The following LRCH1 variants were observed in gnomAD, a reference collection of about 807,000 sequenced individuals.
The protein encoded by LRCH1 is leucine rich repeats and calponin homology domain containing 1.
In LRCH1, 23 loss-of-function variants were observed where a neutral mutation model predicts 94.9. The ratio of observed to expected loss-of-function variants is 0.24; its 90% CI spans 0.17 to 0.34. The LOEUF is 0.34. Among genes scored for constraint, LRCH1 ranks in the 10% least tolerant of loss-of-function variants. The pLI, the probability that LRCH1 is intolerant of heterozygous loss-of-function variation, is 1.00. For synonymous variants in LRCH1, 364 were observed against 354.9 expected (o/e 1.03, Z -0.29); for missense variants, 790 against 945.9 (o/e 0.84, Z 2.16).
intron 11 of LRCH1, among the ~76,000 whole-genome samples, chr13:46,703,522 A>G (rs185270195): frequency 6.6e-6 from 1 of 152,328 alleles, no homozygotes; most frequent in East Asian, 1.9e-4. Flanking sequence ...AGTGAAATCT[A>G]AGAACTTATC....
intron 9 of LRCH1, 80 bp from the exon 10 acceptor site, chr13:46,699,256 A>T: frequency 9.3e-7 from 1 of 1,077,132 alleles, no homozygotes; most frequent in Non-Finnish European, 1.4e-6. Context: ...ACGCTGTTAT[A>T]AACATGGGCT....
At chr13:46,713,593 G>C (rs1872178910) in intron 15 of LRCH1, among the ~76,000 whole-genome samples, 1 of 152,208 alleles carries the variant, frequency 6.6e-6, no homozygotes, top group African/African-American at 2.4e-5. Context: ...ATGGGCCATA[G>C]AAGAAAAGCC....
intron 1 of LRCH1, among the ~76,000 whole-genome samples, chr13:46,574,753 C>G (rs778852147): frequency 6.6e-6 from 1 of 150,928 alleles, no homozygotes; most frequent in Non-Finnish European, 1.5e-5. Context: ...AAAGTCAACC[C>G]ATGTAACTTA....
chr13:46,673,604 C>T (rs1409685033), intron 3 of LRCH1, among the ~76,000 whole-genome samples: 2 of 152,180 alleles, frequency 1.3e-5, no homozygotes, highest in Non-Finnish European at 2.9e-5. Context: ...GATTTGGGAG[C>T]ACCCCAAGCA....
chr13:46,685,826 AT>A, intron 4 of LRCH1, 78 bp from the exon 5 acceptor site: 2 of 1,060,232 alleles, frequency 1.9e-6, no homozygotes, highest in Non-Finnish European at 1.3e-6. Flanking sequence ...CAGAACATTA[AT>A]TTTTGAATGA....
intron 1 of LRCH1, among the ~76,000 whole-genome samples, chr13:46,578,404 G>T (rs1323191035): frequency 6.6e-6 from 1 of 152,202 alleles, no homozygotes; most frequent in Non-Finnish European, 1.5e-5. Context: ...GAAGCAAAAG[G>T]ATGACACATT....
chr13:46,633,912 G>A (rs969590494), intron 1 of LRCH1, among the ~76,000 whole-genome samples: 9 of 135,028 alleles, frequency 6.7e-5, no homozygotes, highest in Non-Finnish European at 1.1e-4. Context: ...ATGGAGTCTC[G>A]CTCTGTCGCC....
chr13:46,681,913 A>C (rs1870324611), intron 4 of LRCH1, 67 bp downstream of exon 4: 2 of 896,730 alleles, frequency 2.2e-6, no homozygotes, highest in Admixed American at 4.3e-5. Context: ...TGGGGGGTTT[A>C]CTTTTGTGAA....
intron 1 of LRCH1, among the ~76,000 whole-genome samples, chr13:46,622,967 G>A (rs2050897570): frequency 6.6e-6 from 1 of 152,226 alleles, no homozygotes; most frequent in Non-Finnish European, 1.5e-5. Flanking sequence ...TGGGAAAATA[G>A]CATTTGGGGA....
Position 46,557,760 on chromosome 13 carries a change from T to G in LRCH1, c.307+4057T>G, listed in dbSNP as rs563217352. 1.3e-3 allele frequency among the ~76,000 whole-genome samples: 194 copies of G among 152,080 alleles called. 1 individual carries two copies. Among genetic ancestry groups the G allele is most frequent in the African/African-American group, 4.5e-3 (188 of 41,524 alleles). On this transcript the variant is annotated intron_variant, in intron 1 of 19. Coordinates refer to ENST00000389797, the MANE Select transcript of LRCH1 (RefSeq NM_001164211.2). ...CAGGAGGCTGAGGTGGGAGAATCACTTGAACCCAGGAGGCGGAGGTTGCAG... is the reference window on the plus strand; with the variant it reads ...CAGGAGGCTGAGGTGGGAGAATCACGTGAACCCAGGAGGCGGAGGTTGCAG...
At chr13:46,725,920 G>A (rs1539177) in intron 17 of LRCH1, among the ~76,000 whole-genome samples, 69,988 of 152,032 alleles carry the variant, frequency 0.46, 18,298 homozygotes, top group Non-Finnish European at 0.58. Flanking sequence ...TCTTAAACAT[G>A]GGTCATATTG....
At chr13:46,637,693 G>A (rs146685415) in intron 1 of LRCH1, among the ~76,000 whole-genome samples, 2 of 148,978 alleles carry the variant, frequency 1.3e-5, no homozygotes, top group Non-Finnish European at 3.0e-5. Context: ...AAGTTGCCAC[G>A]CTTCTCCCGC....
chr13:46,625,836 TAG>T (rs1269386631), intron 1 of LRCH1, among the ~76,000 whole-genome samples: 1 of 151,882 alleles, frequency 6.6e-6, no homozygotes, highest in Non-Finnish European at 1.5e-5. Flanking sequence ...GTATTTTTTG[TAG>T]AGAGGGGTCT....
intron 2 of LRCH1, among the ~76,000 whole-genome samples, chr13:46,667,538 AG>A (rs66820930): frequency 0.72 from 72,356 of 100,888 alleles, 23,548 homozygotes; most frequent in Middle Eastern, 0.8. Context: ...GGGTGGGGGG[AG>A]GGGGGGAGGG....
chr13:46,664,204 TA>T (rs2051485312), intron 2 of LRCH1, among the ~76,000 whole-genome samples: 2 of 152,194 alleles, frequency 1.3e-5, no homozygotes, highest in South Asian at 4.1e-4. Flanking sequence ...TAAAGGTGGC[TA>T]AAATTTTAGC....
intron 1 of LRCH1, among the ~76,000 whole-genome samples, chr13:46,584,778 G>A (rs2050412028): frequency 6.6e-6 from 1 of 152,134 alleles, no homozygotes; most frequent in Admixed American, 6.5e-5. Context: ...TCAGTCTGAT[G>A]ACAGTTTTAT....
intron 1 of LRCH1, among the ~76,000 whole-genome samples, chr13:46,579,354 C>T (rs1208087654): frequency 6.6e-6 from 1 of 152,042 alleles, no homozygotes; most frequent in African/African-American, 2.4e-5. Context: ...AAAAGTGTAC[C>T]ATCTCAGAAC....
At chr13:46,568,779 A>C (rs1236409414) in intron 1 of LRCH1, among the ~76,000 whole-genome samples, 2 of 152,206 alleles carry the variant, frequency 1.3e-5, no homozygotes, top group African/African-American at 2.4e-5. Flanking sequence ...TGGTGAGTAC[A>C]TAGGTAGGTG....
chr13:46,742,036 A>G lies in LRCH1; in HGVS notation c.*188A>G, dbSNP rs148182694. 1,702 of 1,442,926 alleles carry G rather than the reference A, an allele frequency of 1.2e-3. 11 individuals carry two copies. In the African/African-American group the frequency reaches 0.021, roughly 18 times the overall value. 89.4% of individuals were successfully genotyped at this position (1,442,926 alleles called of 1,614,324 possible). ...CAAACTTTGTAGAATACAGTTTAGT[A>G]TAATTCCTCTCACTTACTGAAATAC... is the stretch of plus-strand genomic sequence containing the variant. On this transcript the variant is annotated 3_prime_UTR_variant, in exon 20 of 20. Coordinates refer to ENST00000389797, the MANE Select transcript of LRCH1 (RefSeq NM_001164211.2).
Sources: allele counts gnomAD v4.1 joint callset (sites outside exome capture counted in the v4.1 genomes callset), GRCh38; gene constraint gnomAD v4.1.1; transcripts MANE v1.5; gene names NCBI Gene and HGNC (gene_info 2026-07-23, HGNC 2026-07-21).